Variants in PI4KA observed in about 807,000 individuals in gnomAD.
PI4KA encodes PI4-kinase alpha.
PI4KA carries 122 observed loss-of-function variants against 271.4 expected under a neutral mutation model. That is an observed-to-expected ratio of 0.45 (90% CI 0.39 to 0.52). PI4KA has a LOEUF of 0.52. Among genes scored for constraint, PI4KA ranks in the 20% least tolerant of loss-of-function variants. The pLI is 0.00. For synonymous variants in PI4KA, 1,041 were observed against 1,078.8 expected (o/e 0.96, Z 0.69); for missense variants, 1,969 against 2,769.1 (o/e 0.71, Z 6.48).
rs753562441 is a variant in PI4KA, at chr22:20,708,102, A to C, written c.6258-4T>G. 6.2e-7 allele frequency: 1 copy of C among 1,613,214 alleles called. No individual in the cohort carries two copies. The highest frequency in any genetic ancestry group is 8.5e-7 in the Non-Finnish European group (1 of 1,179,262). ...GATCATGTCGTAGGTCCGGCTCCTGAAAGGCCAAGGAAGAGTGAAGGGAGA... is the reference window on the plus strand; with the variant it reads ...GATCATGTCGTAGGTCCGGCTCCTGCAAGGCCAAGGAAGAGTGAAGGGAGA... On this transcript the variant is annotated splice_polypyrimidine_tract_variant and splice_region_variant and intron_variant, in intron 54 of 54. Transcript: ENST00000255882.
rs937522871 is a variant in PI4KA, at chr22:20,796,234, A to G, written c.2189T>C (p.Leu730Pro). 6.2e-7 allele frequency: 1 copy of G among 1,614,140 alleles called. No homozygotes were observed. The highest frequency in any genetic ancestry group is 8.5e-7 in the Non-Finnish European group (1 of 1,180,034). ...CACAAACAACTCCAACAGGTTCATGAGCAGCTCATCCACCAGGTGCTCGTC... is the reference window on the plus strand; with the variant it reads ...CACAAACAACTCCAACAGGTTCATGGGCAGCTCATCCACCAGGTGCTCGTC... The part of the protein sequence containing the change: ...IQDEHLVDEL[L>P]MNLLELFVQL... The change falls in exon 18 of 55, where the codon CTC becomes CCC. Residue 730 changes from leucine to proline, a missense_variant. Physicochemically the swap from Leu to Pro is moderately conservative, Grantham distance 98. This residue lies in a region of PI4KA where 368 missense variants were observed against 544.3 expected (regional missense o/e 0.68). Transcript: ENST00000255882.
intron 22 of PI4KA, among the ~76,000 whole-genome samples, chr22:20,762,580 T>C (rs192282243): frequency 9.2e-5 from 14 of 152,220 alleles, no homozygotes; most frequent in Non-Finnish European, 1.6e-4. Context: ...GGCATACTCA[T>C]GGGAAAGGCA....
chr22:20,801,922 C>G, intron 14 of PI4KA, 51 bp downstream of exon 14: 3 of 1,594,012 alleles, frequency 1.9e-6, no homozygotes, highest in Non-Finnish European at 1.7e-6. Flanking sequence ...TTTGTAATAA[C>G]CCGCTTGTCT....
Position 20,779,534 on chromosome 22 carries a change from G to A in PI4KA, c.2328+13659C>T, listed in dbSNP as rs765665872. 2.1e-5 allele frequency: 34 copies of A among 1,613,888 alleles called. No homozygotes were observed. In the African/African-American group the frequency reaches 2.8e-4, roughly 13 times the overall value. ...CCAACGACTGGATTCCAGAGGGGGA[G>A]GAGGACGACGACTATCTGGACCTGG... On this transcript the variant is annotated intron_variant, in intron 19 of 54. Transcript: ENST00000255882.
intron 36 of PI4KA, among the ~76,000 whole-genome samples, chr22:20,730,696 G>T (rs564680215): frequency 6.6e-6 from 1 of 151,678 alleles, no homozygotes; most frequent in African/African-American, 2.4e-5. Flanking sequence ...TCAGCCTCCC[G>T]AATAGCTGGA....
intron 42 of PI4KA, chr22:20,725,646 G>C: frequency 2.6e-6 from 1 of 389,482 alleles, no homozygotes; most frequent in South Asian, 1.8e-5. Flanking sequence ...TATAATCCCA[G>C]CACTTTTGGA....
chr22:20,718,282 C>G (rs1926268181), intron 44 of PI4KA, among the ~76,000 whole-genome samples: 1 of 152,276 alleles, frequency 6.6e-6, no homozygotes, highest in South Asian at 2.1e-4. Context: ...GGTGTCAGGT[C>G]CACATGAATG....
intron 7 of PI4KA, among the ~76,000 whole-genome samples, chr22:20,813,996 G>A (rs918500564): frequency 6.6e-6 from 1 of 152,016 alleles, no homozygotes; most frequent in Non-Finnish European, 1.5e-5. Flanking sequence ...ATGGCGTTTC[G>A]CCATGTTGGC....
At chr22:20,840,697 T>C (rs1246198815) in intron 1 of PI4KA, among the ~76,000 whole-genome samples, 1 of 152,116 alleles carries the variant, frequency 6.6e-6, no homozygotes, top group Non-Finnish European at 1.5e-5. Flanking sequence ...TGGGAGAGAT[T>C]ACTTTAGTTG....
chr22:20,777,034 T>G (rs71312787), intron 19 of PI4KA, among the ~76,000 whole-genome samples: 3,795 of 109,190 alleles, frequency 0.035, 55 homozygotes, highest in Non-Finnish European at 0.05. Flanking sequence ...CAAAAGGCAG[T>G]TTTTTTTTGT....
chr22:20,802,696 T>C (rs1255843808), intron 13 of PI4KA, among the ~76,000 whole-genome samples: 2 of 152,194 alleles, frequency 1.3e-5, no homozygotes, highest in African/African-American at 4.8e-5. Context: ...CCATCACGCC[T>C]GGCTAAATCT....
At chr22:20,828,474 T>C (rs1172513550) in intron 3 of PI4KA, among the ~76,000 whole-genome samples, 1 of 152,186 alleles carries the variant, frequency 6.6e-6, no homozygotes, top group Non-Finnish European at 1.5e-5. Flanking sequence ...CCATACAGTA[T>C]AATGATGGCT....
In PI4KA at chr22:20,751,319, C is replaced by G. The variant is rs776376653; in HGVS notation, c.3127G>C (p.Val1043Leu). The change falls in exon 27 of 55, where the codon GTT (valine) becomes CTT (leucine). Residue 1043 changes from valine to leucine, a missense_variant. Around this residue, in one of 13 missense-constraint regions of PI4KA, gnomAD observed 368 missense variants for 544.3 expected, o/e 0.68. Transcript: ENST00000255882. ...TCACGGGCTTCGTACGTGTCAGGAA[C>G]CGTGATCCGGTAGGGGGCGTCGGGG... is the stretch of plus-strand genomic sequence containing the variant. The part of the protein sequence containing the change: ...DIPDAPYRIT[V>L]PDTYEARESI... 1 of 1,614,030 alleles carries G rather than the reference C, an allele frequency of 6.2e-7. No homozygotes were observed. Among genetic ancestry groups the G allele is most frequent in the Non-Finnish European group, 8.5e-7 (1 of 1,179,974 alleles).
chr22:20,792,474 G>A (rs1017307353), intron 19 of PI4KA, among the ~76,000 whole-genome samples: 5 of 152,250 alleles, frequency 3.3e-5, no homozygotes, highest in Admixed American at 2.0e-4. Context: ...ACTATGGGGT[G>A]AGGAGGAGGG....
Position 20,764,950 on chromosome 22 carries a change from C to T in PI4KA, c.2575G>A (p.Ala859Thr). ...GTGCTGCGGAGCTCACTCAGCTCAG[C>T]CTGGAGGGAGAGAAACATCCGAGGG... The part of the protein sequence containing the change: ...SAMKNDTVTP[A>T]ELSELRSTII... Residue 859 changes from alanine (A) to threonine (T), a missense_variant and splice_region_variant, in exon 22 of 55, where the codon GCT (alanine) becomes ACT (threonine). Around this residue, in one of 13 missense-constraint regions of PI4KA, gnomAD observed 368 missense variants for 544.3 expected, o/e 0.68. Coordinates refer to ENST00000255882, the MANE Select transcript of PI4KA (RefSeq NM_058004.4). 1 of 1,602,618 alleles carries T rather than the reference C, an allele frequency of 6.2e-7. No individual in the cohort carries two copies. Among genetic ancestry groups the T allele is most frequent in the Non-Finnish European group, 8.5e-7 (1 of 1,171,518 alleles).
In PI4KA at chr22:20,714,521, T is replaced by C. The variant is rs1568946156; in HGVS notation, c.5398A>G (p.Lys1800Glu). 6.2e-7 allele frequency: 1 copy of C among 1,613,696 alleles called. No individual in the cohort carries two copies. Among genetic ancestry groups the C allele is most frequent in the African/African-American group, 1.3e-5 (1 of 74,914 alleles). ...TTGAACTTGGCCAGATATGGGGCTTTTGCAGCACTGAAAACAACAAAAAGA... is the reference window on the plus strand; with the variant it reads ...TTGAACTTGGCCAGATATGGGGCTTCTGCAGCACTGAAAACAACAAAAAGA... ...KSGTPMQSAA[K>E]APYLAKFKVK... Residue 1800 changes from lysine (K) to glutamate (E), a missense_variant, in exon 47 of 55, where the codon AAA (lysine) becomes GAA (glutamate). By Grantham distance (56) the Lys-to-Glu change is moderately conservative (BLOSUM62 1). Coordinates refer to ENST00000255882, the MANE Select transcript of PI4KA (RefSeq NM_058004.4).
chr22:20,819,947 A>G, intron 5 of PI4KA, 47 bp from the exon 6 acceptor site: 2 of 1,492,318 alleles, frequency 1.3e-6, no homozygotes, highest in Admixed American at 1.7e-5. Context: ...GTATCCTGAT[A>G]GAGTCATATA....
intron 19 of PI4KA, among the ~76,000 whole-genome samples, chr22:20,788,536 A>T (rs1934422146): frequency 6.6e-6 from 1 of 152,220 alleles, no homozygotes; most frequent in Admixed American, 6.5e-5. Context: ...GCCTGAATCC[A>T]CACCCAGGCA....
At chr22:20,729,578 GT>G (rs1927766738) in intron 38 of PI4KA, 53 bp downstream of exon 38, 2 of 1,550,584 alleles carry the variant, frequency 1.3e-6, no homozygotes, top group Non-Finnish European at 1.7e-6. Context: ...CGGCCACCAG[GT>G]GTCGTACAGG....
Sources: gnomAD v4.1 joint callset for allele counts (sites outside exome capture counted in the v4.1 genomes callset) on GRCh38, gnomAD v4.1.1 for gene constraint, gnomAD v4.1.1 regional missense constraint, MANE v1.5 for transcripts, NCBI Gene and HGNC (gene_info 2026-07-23, HGNC 2026-07-21) for gene names.